PTPN4: variants seen among roughly 807,000 people sequenced by gnomAD.
PTPN4 encodes the protein tyrosine-protein phosphatase non-receptor type 4.
PTPN4 carries 49 observed loss-of-function variants against 135.5 expected under a neutral mutation model. The ratio of observed to expected loss-of-function variants is 0.36; its 90% CI spans 0.29 to 0.46. The LOEUF is 0.46. Ranked by LOEUF, PTPN4 falls within the 20% of genes least tolerant of loss-of-function variation. PTPN4 has a pLI of 1.00. For synonymous variants in PTPN4, 333 were observed against 369.9 expected, an observed-to-expected ratio of 0.90 and a Z score of 1.14; for missense variants, 860 against 1,101.0, an observed-to-expected ratio of 0.78 and a Z score of 3.10.
chr2:119,775,483 A>G (rs1343237855), intron 1 of PTPN4, among the ~76,000 whole-genome samples: 1 of 152,110 alleles, frequency 6.6e-6, no homozygotes, highest in East Asian at 1.9e-4. Context: ...CTTATGTTGA[A>G]GTGGTCTGCG....
intron 1 of PTPN4, among the ~76,000 whole-genome samples, chr2:119,783,493 A>G (rs1690984925): frequency 6.6e-6 from 1 of 152,236 alleles, no homozygotes; most frequent in Non-Finnish European, 1.5e-5. Context: ...AGCAAACCTT[A>G]CAAATAGTAA....
chr2:119,923,964 T>C (rs552927962), intron 12 of PTPN4, among the ~76,000 whole-genome samples: 12 of 151,990 alleles, frequency 7.9e-5, no homozygotes, highest in East Asian at 1.9e-4. Flanking sequence ...GGTGAAACCC[T>C]GTCTCTACTA....
At chr2:119,842,086 G>T (rs182468107) in intron 2 of PTPN4, among the ~76,000 whole-genome samples, 1 of 152,162 alleles carries the variant, frequency 6.6e-6, no homozygotes, top group Non-Finnish European at 1.5e-5. Flanking sequence ...TATTCCTCAC[G>T]TAGATTTTAA....
chr2:119,924,668 T>C (rs767079911), intron 12 of PTPN4, among the ~76,000 whole-genome samples: 30 of 152,250 alleles, frequency 2.0e-4, no homozygotes, highest in South Asian at 4.1e-4. Context: ...ATCCCTAATG[T>C]CTGTATTATG....
intron 1 of PTPN4, among the ~76,000 whole-genome samples, chr2:119,763,826 G>A (rs1690551297): frequency 6.6e-6 from 1 of 152,190 alleles, no homozygotes. Context: ...ATAGCCAGAT[G>A]TGGCTAGTAG....
intron 14 of PTPN4, among the ~76,000 whole-genome samples, chr2:119,934,382 A>G: frequency 6.6e-6 from 1 of 152,248 alleles, no homozygotes; most frequent in Non-Finnish European, 1.5e-5. Context: ...GCAATATAGT[A>G]TTCAGTATCT....
rs777464198 is a variant in PTPN4 at position 119,877,545 on chromosome 2, G to A, written c.368+3G>A. On this transcript the variant is annotated splice_donor_region_variant and intron_variant, in intron 5 of 26. Transcript: ENST00000263708. The stretch of plus-strand genomic sequence containing the variant: ...AAGTTACAAGAAGAATATACAAGGT[G>A]GGTTTATGGATATATTTTTCTTGAA... 3.8e-5 allele frequency: 61 copies of A among 1,588,388 alleles called. No individual in the cohort carries two copies. Among genetic ancestry groups the A allele is most frequent in the South Asian group, 5.9e-5 (5 of 85,286 alleles).
At position 119,905,249 on chromosome 2, in the gene PTPN4, C is replaced by T. The variant is rs145271294; in HGVS notation, c.764+4443C>T. On this transcript the variant is annotated intron_variant, in intron 10 of 26. Transcript: ENST00000263708. ...CGAATTCTATGCTACCTACAAGAAA[C>T]TCAACTTCACCTGTAAAAAGCACAA... Among the ~76,000 whole-genome samples the T allele has an allele frequency of 5.9e-3, 900 of 152,176 alleles. 31 individuals carry two copies. The highest frequency in any genetic ancestry group is 0.05 in the Admixed American group (765 of 15,260).
intron 3 of PTPN4, among the ~76,000 whole-genome samples, chr2:119,875,791 A>G (rs1255062384): frequency 1.3e-5 from 2 of 152,166 alleles, no homozygotes; most frequent in African/African-American, 2.4e-5. Context: ...TGCTGACTCT[A>G]CAGTATTGAC....
intron 1 of PTPN4, among the ~76,000 whole-genome samples, chr2:119,792,777 A>C (rs1362067009): frequency 6.6e-6 from 1 of 152,034 alleles, no homozygotes; most frequent in African/African-American, 2.4e-5. Context: ...AAAGAGAGAG[A>C]TTTTAAAGCT....
At chr2:119,937,051 T>G (rs939509365) in intron 15 of PTPN4, among the ~76,000 whole-genome samples, 1 of 152,216 alleles carries the variant, frequency 6.6e-6, no homozygotes, top group African/African-American at 2.4e-5. Flanking sequence ...AGGAAAGATA[T>G]GTAATATCCA....
At chr2:119,818,879 A>G (rs187854987) in intron 2 of PTPN4, among the ~76,000 whole-genome samples, 3 of 152,176 alleles carry the variant, frequency 2.0e-5, no homozygotes, top group Admixed American at 1.3e-4. Context: ...TCATCAAGAT[A>G]TCTCTCCTCC....
intron 4 of PTPN4, 29 bp downstream of exon 4, chr2:119,877,394 G>A (rs1325021693): frequency 3.7e-6 from 6 of 1,609,816 alleles, no homozygotes; most frequent in Non-Finnish European, 5.1e-6. Context: ...TTAATGTTTT[G>A]CAAGTTTACT....
At chr2:119,838,300 A>G (rs1321240541) in intron 2 of PTPN4, among the ~76,000 whole-genome samples, 1 of 151,982 alleles carries the variant, frequency 6.6e-6, no homozygotes, top group Non-Finnish European at 1.5e-5. Flanking sequence ...TGCCAGGTCA[A>G]GTGGGCGGAA....
rs1677831878 is a variant in PTPN4, at chr2:119,866,151, T to C, written c.246+3508T>C. On this transcript the variant is annotated intron_variant, in intron 3 of 26. Coordinates refer to ENST00000263708, the MANE Select transcript of PTPN4 (RefSeq NM_002830.4). ...TATAATTCATTATGCATTATTTCTTTAATTTTATGAGCAGTCAAAGGTGGC... is the reference window on the plus strand; with the variant it reads ...TATAATTCATTATGCATTATTTCTTCAATTTTATGAGCAGTCAAAGGTGGC... Among the ~76,000 whole-genome samples the C allele has an allele frequency of 3.3e-5, 5 of 152,116 alleles. No individual in the cohort carries two copies. The South Asian group carries it at 1.0e-3, about 31-fold the overall frequency.
In PTPN4 at chr2:119,793,211, G is replaced by T. The variant is rs572369692; in HGVS notation, c.-17-16626G>T. Among the ~76,000 whole-genome samples the T allele has an allele frequency of 3.3e-5, 5 of 152,220 alleles. No individual in the cohort carries two copies. In the South Asian group the frequency reaches 1.0e-3, roughly 32 times the overall value. Reference sequence around the variant, plus strand: ...CGCTCCCAGAGCGGCCATTTTAGAGGCCTCCCCCTGGGAATGCATTCTTTC... The same window carrying T: ...CGCTCCCAGAGCGGCCATTTTAGAGTCCTCCCCCTGGGAATGCATTCTTTC... On this transcript the variant is annotated intron_variant, in intron 1 of 26. Transcript: ENST00000263708.
At chr2:119,852,824 T>C (rs1467975904) in intron 2 of PTPN4, among the ~76,000 whole-genome samples, 1 of 152,114 alleles carries the variant, frequency 6.6e-6, no homozygotes, top group Non-Finnish European at 1.5e-5. Context: ...ATATGTTGAG[T>C]TTTCTTTCAG....
chr2:119,776,518 A>G (rs1451116177), intron 1 of PTPN4, among the ~76,000 whole-genome samples: 1 of 152,154 alleles, frequency 6.6e-6, no homozygotes, highest in Non-Finnish European at 1.5e-5. Flanking sequence ...AGCCCAACAG[A>G]AATTACTATG....
intron 9 of PTPN4, among the ~76,000 whole-genome samples, chr2:119,892,888 ATTTT>A (rs35557598): frequency 7.1e-6 from 1 of 140,106 alleles, no homozygotes. Context: ...TGCTGGTTGA[ATTTT>A]TTTTTTTTTT....
Sources: gnomAD v4.1 joint callset for allele counts (sites outside exome capture counted in the v4.1 genomes callset) on GRCh38, gnomAD v4.1.1 for gene constraint, MANE v1.5 for transcripts, NCBI Gene and HGNC (gene_info 2026-07-23, HGNC 2026-07-21) for gene names.